ABTB2: variants seen among roughly 807,000 people sequenced by gnomAD.
ABTB2 encodes ankyrin repeat and BTB/POZ domain-containing protein 2.
Under a neutral mutation model 104.1 loss-of-function variants are expected in ABTB2, and 56 were observed. That is an observed-to-expected ratio of 0.54 (90% CI 0.43 to 0.67). The LOEUF (loss-of-function observed/expected upper bound fraction) is 0.67. Ranked by LOEUF, ABTB2 falls within the 30% of genes least tolerant of loss-of-function variation. The probability of loss-of-function intolerance (pLI) is 0.00; values close to 1 mark genes in which losing one functional copy is unlikely to be tolerated. For synonymous variants in ABTB2, 606 were observed against 608.2 expected (o/e 1.00, Z 0.05); for missense variants, 1,279 against 1,407.7 (o/e 0.91, Z 1.46).
intron 1 of ABTB2, among the ~76,000 whole-genome samples, chr11:34,302,052 AC>A: frequency 1.3e-5 from 2 of 152,350 alleles, no homozygotes; most frequent in Admixed American, 1.3e-4. Context: ...ATTAGAAAAT[AC>A]ATAGAAGATA....
At chr11:34,339,846 T>C (rs1162956380) in intron 1 of ABTB2, among the ~76,000 whole-genome samples, 1 of 152,194 alleles carries the variant, frequency 6.6e-6, no homozygotes, top group Non-Finnish European at 1.5e-5. Context: ...ACATGAGCAC[T>C]TCACACCACA....
In ABTB2 at chr11:34,302,979, A is replaced by G. The variant is rs114887033; in HGVS notation, c.883+53722T>C. Among the ~76,000 whole-genome samples the G allele has an allele frequency of 1.2e-3, 187 of 152,292 alleles. 1 individual carries two copies. Among genetic ancestry groups the G allele is most frequent in the African/African-American group, 4.4e-3 (182 of 41,560 alleles). On this transcript the variant is annotated intron_variant, in intron 1 of 16. Coordinates refer to ENST00000435224, the MANE Select transcript of ABTB2 (RefSeq NM_145804.3). ...GACCTGATAAGACACCTCCAGCCCA[A>G]TTTCCTGGCTCTGGCAGATTGATTC...
In ABTB2 at chr11:34,179,171, A is replaced by G. The variant is rs565853505; in HGVS notation, c.1245-5864T>C. Among the ~76,000 whole-genome samples the G allele has an allele frequency of 2.0e-5, 3 of 152,348 alleles. No homozygotes were observed. In the East Asian group the frequency reaches 5.8e-4, roughly 29 times the overall value. On this transcript the variant is annotated intron_variant, in intron 3 of 16. Coordinates refer to ENST00000435224, the MANE Select transcript of ABTB2 (RefSeq NM_145804.3). ...GGATATTGGCTGTATCAGAAATTAA[A>G]ACTGAGAAAATGTTAAACACATGAA...
rs1854067532 is a variant in ABTB2 at position 34,252,462 on chromosome 11, C to T, written c.884-47772G>A. Among the ~76,000 whole-genome samples, 1 of 152,254 alleles carries T rather than the reference C, an allele frequency of 6.6e-6. No homozygotes were observed. The highest frequency in any genetic ancestry group is 1.9e-4 in the East Asian group (1 of 5,168). On this transcript the variant is annotated intron_variant, in intron 1 of 16. Transcript: ENST00000435224. The surrounding 1 kb of genome is among the most constrained non-coding windows in gnomAD (Gnocchi z 5.5). Reference sequence around the variant, plus strand: ...GGAGAGTGCCATCTGGACATCATGACCTCCCCACCACCGCTGGGCATGACC... The same window carrying T: ...GGAGAGTGCCATCTGGACATCATGATCTCCCCACCACCGCTGGGCATGACC...
At chr11:34,172,007 C>G (rs989426831) in intron 4 of ABTB2, among the ~76,000 whole-genome samples, 1 of 152,014 alleles carries the variant, frequency 6.6e-6, no homozygotes, top group African/African-American at 2.4e-5. Context: ...AAATTCATGT[C>G]CTAGAATGGG....
At chr11:34,227,357 C>T (rs961533293) in intron 1 of ABTB2, among the ~76,000 whole-genome samples, 5 of 151,108 alleles carry the variant, frequency 3.3e-5, no homozygotes, top group Admixed American at 6.6e-5. Flanking sequence ...TCCCTCTGTT[C>T]TTAGAAAGCA....
chr11:34,254,670 C>CTT (rs57784717), intron 1 of ABTB2, among the ~76,000 whole-genome samples: 17,624 of 127,566 alleles, frequency 0.14, 1,580 homozygotes, highest in South Asian at 0.19. Flanking sequence ...ATATTAGAAA[C>CTT]TTTTTTTTTT....
At position 34,162,557 on chromosome 11, in the gene ABTB2, C is replaced by T. The variant is rs1852736671; in HGVS notation, c.2218+19G>A. 2 of 1,609,816 alleles carry T rather than the reference C, an allele frequency of 1.2e-6. No individual in the cohort carries two copies. The highest frequency in any genetic ancestry group is 1.7e-5 in the Admixed American group (1 of 59,902). On this transcript the variant is annotated intron_variant, in intron 10 of 16. Coordinates refer to ENST00000435224, the MANE Select transcript of ABTB2 (RefSeq NM_145804.3). ...ATATGCATGCATGGACATGGGTGTG[C>T]ATGCCCGTGAGGCCTCACCCAGTGC... is the stretch of plus-strand genomic sequence containing the variant.
intron 1 of ABTB2, among the ~76,000 whole-genome samples, chr11:34,314,078 G>A (rs943249952): frequency 2.2e-4 from 34 of 152,208 alleles, no homozygotes; most frequent in African/African-American, 8.2e-4. Flanking sequence ...CAACAGCAAA[G>A]GAGAGGGGCT....
At chr11:34,297,807 A>T (rs11032603) in intron 1 of ABTB2, among the ~76,000 whole-genome samples, 1 of 151,066 alleles carries the variant, frequency 6.6e-6, no homozygotes, top group Non-Finnish European at 1.5e-5. Flanking sequence ...AAAGAAAAAG[A>T]AAAAAACAAA....
chr11:34,220,297 G>A (rs1292917723), intron 1 of ABTB2, among the ~76,000 whole-genome samples: 1 of 152,208 alleles, frequency 6.6e-6, no homozygotes, highest in African/African-American at 2.4e-5. Flanking sequence ...TGGCTGACAT[G>A]CCGTTCTGTC....
chr11:34,357,878 G>A lies in ABTB2; in HGVS notation c.-295C>T, dbSNP rs1423546082. 3 of 367,798 alleles carry A rather than the reference G, an allele frequency of 8.2e-6. No individual in the cohort carries two copies. In the Admixed American group the frequency reaches 1.3e-4, roughly 16 times the overall value. 22.8% of individuals were successfully genotyped at this position (367,798 alleles called of 1,614,324 possible). On this transcript the variant is annotated 5_prime_UTR_variant, in exon 1 of 17. Coordinates refer to ENST00000435224, the MANE Select transcript of ABTB2 (RefSeq NM_145804.3). ...CACCTCTAATTCCCACAAGCAGAGAGTCAGTCCTCCACAGAGAAGGAATCC... is the reference window on the plus strand; with the variant it reads ...CACCTCTAATTCCCACAAGCAGAGAATCAGTCCTCCACAGAGAAGGAATCC...
intron 1 of ABTB2, among the ~76,000 whole-genome samples, chr11:34,246,094 C>T (rs1036332090): frequency 1.3e-5 from 2 of 152,206 alleles, no homozygotes; most frequent in African/African-American, 2.4e-5. Context: ...CCTGCTGGAT[C>T]AGCCAGGAGA....
intron 9 of ABTB2, 103 bp downstream of exon 9, chr11:34,164,583 G>C (rs1852771191): frequency 3.8e-6 from 5 of 1,322,200 alleles, no homozygotes; most frequent in Non-Finnish European, 3.9e-6. Flanking sequence ...TTTGGGAAAG[G>C]TCTCCGGGCC....
intron 1 of ABTB2, among the ~76,000 whole-genome samples, chr11:34,270,432 T>G (rs1213495471): frequency 2.0e-5 from 3 of 151,644 alleles, no homozygotes. Context: ...CTCCGCCTGC[T>G]GGGTTCAAAC....
intron 1 of ABTB2, among the ~76,000 whole-genome samples, chr11:34,326,667 G>C (rs1483835621): frequency 6.6e-6 from 1 of 151,544 alleles, no homozygotes; most frequent in Admixed American, 6.6e-5. Flanking sequence ...CTAAAGGCAG[G>C]AAAGGAGAAA....
chr11:34,234,992 G>A (rs889893210), intron 1 of ABTB2, among the ~76,000 whole-genome samples: 2 of 152,170 alleles, frequency 1.3e-5, no homozygotes, highest in African/African-American at 4.8e-5. Context: ...CAAGTAGCTA[G>A]GACTATAGGC....
chr11:34,305,924 A>G (rs532955054), intron 1 of ABTB2, among the ~76,000 whole-genome samples: 23 of 152,338 alleles, frequency 1.5e-4, no homozygotes, highest in African/African-American at 5.3e-4. Context: ...ATACTGACAC[A>G]GTAATGTTAT....
At chr11:34,204,783 C>T in intron 1 of ABTB2, 93 bp from the exon 2 acceptor site, 2 of 1,398,470 alleles carry the variant, frequency 1.4e-6, no homozygotes, top group East Asian at 2.4e-5. Flanking sequence ...GCCCTGCTCC[C>T]CTGCTCTTGA....
Sources: allele counts gnomAD v4.1 joint callset (sites outside exome capture counted in the v4.1 genomes callset), GRCh38; gene constraint gnomAD v4.1.1; non-coding constraint Gnocchi (gnomAD v3.1); transcripts MANE v1.5; gene names NCBI Gene and HGNC (gene_info 2026-07-23, HGNC 2026-07-21).